NPAS2: variants seen among roughly 807,000 people sequenced by gnomAD.
NPAS2 encodes the protein neuronal PAS domain protein 2, also known as neuronal PAS domain-containing protein 2.
In NPAS2, 23 loss-of-function variants were observed where a neutral mutation model predicts 107.5. The observed-to-expected ratio is 0.21, with a 90% CI of 0.15 to 0.30. The LOEUF (loss-of-function observed/expected upper bound fraction) is 0.30, where lower values mean the gene tolerates loss of function less well. Among genes scored for constraint, NPAS2 ranks in the 10% least tolerant of loss-of-function variants. The pLI is 1.00. For synonymous variants in NPAS2, 403 were observed against 417.5 expected, an observed-to-expected ratio of 0.97 and a Z score of 0.42; for missense variants, 756 against 1,043.3, an observed-to-expected ratio of 0.72 and a Z score of 3.79.
intron 11 of NPAS2, 115 bp from the exon 12 acceptor site, chr2:100,970,875 T>G: frequency 1.2e-6 from 1 of 804,032 alleles, no homozygotes; most frequent in South Asian, 1.7e-5. Context: ...TGTTGACTGT[T>G]GTGGGGGGCA....
Position 100,996,107 on chromosome 2 carries a change from A to G in NPAS2, c.*525A>G, listed in dbSNP as rs1284567282. The G allele has an allele frequency of 2.1e-6, 1 of 470,116 alleles. No homozygotes were observed. The highest frequency in any genetic ancestry group is 2.0e-5 in the African/African-American group (1 of 49,144). The allele number at this position is 470,116 out of a possible 1,614,324, so 29.1% of individuals were successfully genotyped here. On this transcript the variant is annotated 3_prime_UTR_variant, in exon 21 of 21. Coordinates refer to ENST00000335681, the MANE Select transcript of NPAS2 (RefSeq NM_002518.4). Reference sequence around the variant, plus strand: ...GCTACACAGAGGAAATAACTTAGGCACTTTCTGTTTTTTTTAAAAAAATAA... The same window carrying G: ...GCTACACAGAGGAAATAACTTAGGCGCTTTCTGTTTTTTTTAAAAAAATAA...
At chr2:100,870,820 T>C (rs1334330849) in intron 1 of NPAS2, among the ~76,000 whole-genome samples, 1 of 152,222 alleles carries the variant, frequency 6.6e-6, no homozygotes, top group African/African-American at 2.4e-5. Context: ...CCAACAGATA[T>C]GCTTGTGGCA....
chr2:100,969,023 G>A (rs866744228), intron 11 of NPAS2, among the ~76,000 whole-genome samples: 4 of 152,128 alleles, frequency 2.6e-5, no homozygotes, highest in Admixed American at 6.5e-5. Flanking sequence ...CATAGATGCT[G>A]CCTTTGTGGG....
chr2:100,824,443 C>G (rs1034670042), intron 1 of NPAS2, among the ~76,000 whole-genome samples: 1 of 152,152 alleles, frequency 6.6e-6, no homozygotes, highest in Non-Finnish European at 1.5e-5. Flanking sequence ...GGCAATCAAG[C>G]GCTCTTTAAA....
intron 2 of NPAS2, among the ~76,000 whole-genome samples, chr2:100,908,095 G>A (rs138667112): frequency 1.7e-4 from 26 of 152,212 alleles, no homozygotes; most frequent in Non-Finnish European, 2.4e-4. Context: ...CAGGAAGTGC[G>A]CAGGGTTAGA....
At chr2:100,895,698 CT>C (rs1681371174) in intron 1 of NPAS2, among the ~76,000 whole-genome samples, 1 of 152,186 alleles carries the variant, frequency 6.6e-6, no homozygotes, top group African/African-American at 2.4e-5. Context: ...GGCAGAGCTC[CT>C]TACCCCCATG....
chr2:100,904,706 T>A, intron 1 of NPAS2, 27 bp from the exon 2 acceptor site: 1 of 1,392,790 alleles, frequency 7.2e-7, no homozygotes, highest in African/African-American at 1.7e-5. Context: ...TATCCATTCT[T>A]TTTAATTTTT....
At chr2:100,851,871 G>A (rs1374928133) in intron 1 of NPAS2, among the ~76,000 whole-genome samples, 2 of 152,144 alleles carry the variant, frequency 1.3e-5, no homozygotes, top group African/African-American at 4.8e-5. Flanking sequence ...GTCTTATTGG[G>A]AAGGTGCATG....
At chr2:100,953,674 G>A (rs1675379836) in intron 7 of NPAS2, among the ~76,000 whole-genome samples, 1 of 152,156 alleles carries the variant, frequency 6.6e-6, no homozygotes, top group Admixed American at 6.5e-5. Flanking sequence ...TTGCATCTAT[G>A]ATGTGTGAGT....
At chr2:100,923,104 G>A (rs933667150) in intron 2 of NPAS2, among the ~76,000 whole-genome samples, 1 of 152,174 alleles carries the variant, frequency 6.6e-6, no homozygotes, top group East Asian at 1.9e-4. Flanking sequence ...TTTGAACATG[G>A]TCTTTTAGCC....
intron 1 of NPAS2, among the ~76,000 whole-genome samples, chr2:100,860,834 C>G (rs1005674915): frequency 1.3e-5 from 2 of 152,068 alleles, no homozygotes; most frequent in African/African-American, 4.8e-5. Flanking sequence ...TACTTTCCTT[C>G]CTCCCCACTG....
intron 15 of NPAS2, 136 bp from the exon 16 acceptor site, chr2:100,982,095 C>T (rs1573791637): frequency 8.5e-6 from 9 of 1,062,150 alleles, no homozygotes; most frequent in East Asian, 7.8e-5. Flanking sequence ...AGGACCCAGC[C>T]GTGGGCTCCT....
At chr2:100,924,974 C>T (rs987391239) in intron 2 of NPAS2, among the ~76,000 whole-genome samples, 172 bp from the exon 3 acceptor site, 3 of 152,194 alleles carry the variant, frequency 2.0e-5, no homozygotes, top group African/African-American at 7.2e-5. Context: ...TCTAGCAAAA[C>T]ATTTTCTATC....
intron 11 of NPAS2, among the ~76,000 whole-genome samples, chr2:100,969,398 C>T (rs2105185167): frequency 6.6e-6 from 1 of 152,268 alleles, no homozygotes; most frequent in South Asian, 2.1e-4. Context: ...GTTCCCCTCC[C>T]TGTGTCCATG....
intron 1 of NPAS2, chr2:100,877,889 G>T: frequency 1.2e-6 from 1 of 830,768 alleles, no homozygotes; most frequent in Non-Finnish European, 1.5e-6. Flanking sequence ...ACCTTCTCTT[G>T]TACAATACCA....
chr2:100,901,766 C>T (rs541783152), intron 1 of NPAS2, among the ~76,000 whole-genome samples: 1 of 152,222 alleles, frequency 6.6e-6, no homozygotes, highest in East Asian at 1.9e-4. Context: ...CCTCAGGTAA[C>T]CACACTGTCC....
At chr2:100,876,927 A>G (rs544383400) in intron 1 of NPAS2, among the ~76,000 whole-genome samples, 2 of 152,212 alleles carry the variant, frequency 1.3e-5, no homozygotes, top group African/African-American at 2.4e-5. Context: ...GGTGACTCCC[A>G]TGGACCAGAA....
At chr2:100,902,063 A>G (rs1440083845) in intron 1 of NPAS2, among the ~76,000 whole-genome samples, 12 of 152,016 alleles carry the variant, frequency 7.9e-5, no homozygotes, top group Non-Finnish European at 5.9e-5. Context: ...GCACTCTGTG[A>G]TCAAAATAAA....
rs760704176 is a variant in NPAS2, at chr2:100,974,929, A to G, written c.1267A>G (p.Met423Val). 2.5e-6 allele frequency: 4 copies of G among 1,613,854 alleles called. No individual in the cohort carries two copies. The highest frequency in any genetic ancestry group is 1.1e-5 in the South Asian group (1 of 91,070). ...TTCCCACAAATCCTCGCACACAGCC[A>G]TGTCAGAACCCACCTGTGAGTGCGA... ...RSSHKSSHTA[M>V]SEPTSTPTKL... The change falls in exon 13 of 21, where the codon ATG (methionine) becomes GTG (valine). Residue 423 changes from methionine to valine, a missense_variant. Around this residue, in one of 4 missense-constraint regions of NPAS2, gnomAD observed 496 missense variants for 594.4 expected, o/e 0.83. Coordinates refer to ENST00000335681, the MANE Select transcript of NPAS2 (RefSeq NM_002518.4).
Sources: allele counts gnomAD v4.1 joint callset (sites outside exome capture counted in the v4.1 genomes callset), GRCh38; gene constraint gnomAD v4.1.1; regional missense constraint gnomAD v4.1.1; transcripts MANE v1.5; gene names NCBI Gene and HGNC (gene_info 2026-07-23, HGNC 2026-07-21).